The following SEZ6L variants were observed in gnomAD, a reference collection of about 807,000 sequenced individuals.
SEZ6L encodes seizure related 6 homolog like.
Under a neutral mutation model 106.2 loss-of-function variants are expected in SEZ6L, and 37 were observed. The ratio of observed to expected loss-of-function variants is 0.35; its 90% CI spans 0.27 to 0.46. The LOEUF (loss-of-function observed/expected upper bound fraction) is 0.46, where lower values mean the gene tolerates loss of function less well. SEZ6L is among the 20% of genes least tolerant of loss of function. The probability of loss-of-function intolerance (pLI) is 1.00; values close to 1 mark genes in which losing one functional copy is unlikely to be tolerated. For missense variants in SEZ6L, 1,172 were observed against 1,332.8 expected, an observed-to-expected ratio of 0.88 and a Z score of 1.88; for synonymous variants, 541 against 570.4, an observed-to-expected ratio of 0.95 and a Z score of 0.73.
intron 6 of SEZ6L, among the ~76,000 whole-genome samples, chr22:26,309,603 G>A (rs1236347275): frequency 6.6e-6 from 1 of 151,710 alleles, no homozygotes; most frequent in Non-Finnish European, 1.5e-5. Context: ...TTTTAAGACC[G>A]AGTCTTGCTC....
At chr22:26,235,118 C>T (rs1206682775) in intron 1 of SEZ6L, among the ~76,000 whole-genome samples, 1 of 152,204 alleles carries the variant, frequency 6.6e-6, no homozygotes, top group African/African-American at 2.4e-5. Flanking sequence ...AGGACCTAGT[C>T]ATAGAGCTAA....
Position 26,169,522 on chromosome 22 carries a change from C to G in SEZ6L, c.-148C>G, listed in dbSNP as rs1938417201. The G allele has an allele frequency of 5.4e-6, 2 of 370,218 alleles. No homozygotes were observed. Among genetic ancestry groups the G allele is most frequent in the Non-Finnish European group, 9.6e-6 (2 of 208,398 alleles). The allele number at this position is 370,218 out of a possible 1,614,324, so 22.9% of individuals were successfully genotyped here. On this transcript the variant is annotated 5_prime_UTR_variant, in exon 1 of 17. Transcript: ENST00000248933. Reference sequence around the variant, plus strand: ...GCGACCGCGGGGCTGAGCGCGCGTCCGCCCAGGGGGCTCCGGAAGCTGCCC... The same window carrying G: ...GCGACCGCGGGGCTGAGCGCGCGTCGGCCCAGGGGGCTCCGGAAGCTGCCC...
intron 1 of SEZ6L, among the ~76,000 whole-genome samples, chr22:26,217,168 A>G (rs1010741022): frequency 6.6e-6 from 1 of 152,210 alleles, no homozygotes; most frequent in African/African-American, 2.4e-5. Flanking sequence ...CTCCAGGATT[A>G]CAGTGCTAGT....
Position 26,310,760 on chromosome 22 carries a change from C to G in SEZ6L, c.1605C>G (p.Ser535Arg). 6.2e-7 allele frequency: 1 copy of G among 1,614,144 alleles called. No individual in the cohort carries two copies. Among genetic ancestry groups the G allele is most frequent in the Non-Finnish European group, 8.5e-7 (1 of 1,180,016 alleles). The change falls in exon 7 of 17, where the codon AGC becomes AGG. Residue 535 changes from serine (S) to arginine (R), a missense_variant. Around this residue, in one of 4 missense-constraint regions of SEZ6L, gnomAD observed 534 missense variants for 691.0 expected, o/e 0.77. Transcript: ENST00000248933. ...GTGTCCCTTTTGAGGGCCTGCTGAG[C>G]GAAGGCAACACCATCCGCATCGAGT... ...TESVPFEGLL[S>R]EGNTIRIEFT... is the part of the protein sequence containing the mutation.
At chr22:26,211,871 CTG>C (rs1364971629) in intron 1 of SEZ6L, among the ~76,000 whole-genome samples, 1 of 142,100 alleles carries the variant, frequency 7.0e-6, no homozygotes, top group African/African-American at 2.6e-5. Context: ...ATTAAAGAGA[CTG>C]TTTGTGACAA....
chr22:26,256,353 T>G (rs750149685), intron 1 of SEZ6L, among the ~76,000 whole-genome samples: 2 of 152,172 alleles, frequency 1.3e-5, no homozygotes, highest in Non-Finnish European at 2.9e-5. Flanking sequence ...AACATATGAA[T>G]GAAAAGCAGG....
chr22:26,173,297 A>T (rs1040293474), intron 1 of SEZ6L, among the ~76,000 whole-genome samples: 1 of 152,236 alleles, frequency 6.6e-6, no homozygotes, highest in Admixed American at 6.5e-5. Context: ...GATTGGCATG[A>T]AGCAGATGTT....
chr22:26,302,491 G>C (rs1397198602), intron 5 of SEZ6L, among the ~76,000 whole-genome samples: 1 of 152,220 alleles, frequency 6.6e-6, no homozygotes, highest in Non-Finnish European at 1.5e-5. Context: ...TATGAGCCAT[G>C]TGTGAAGAGA....
chr22:26,287,430 G>A (rs17303821), intron 1 of SEZ6L, among the ~76,000 whole-genome samples: 1 of 152,068 alleles, frequency 6.6e-6, no homozygotes, highest in Non-Finnish European at 1.5e-5. Context: ...GTAGAGCACC[G>A]ACTGTACGTG....
rs140580458 is a variant in SEZ6L, at chr22:26,318,005, C to T, written c.2015+4103C>T. On this transcript the variant is annotated intron_variant, in intron 9 of 16. Coordinates refer to ENST00000248933, the MANE Select transcript of SEZ6L (RefSeq NM_021115.5). ...AGATTATATGGAGGGGAGGGGTCTG[C>T]GATGAATTAGGAAGTACATACCCTA... 4.4e-3 allele frequency among the ~76,000 whole-genome samples: 674 copies of T among 152,060 alleles called. 3 individuals carry two copies. The highest frequency in any genetic ancestry group is 0.014 in the Middle Eastern group (4 of 294).
intron 9 of SEZ6L, among the ~76,000 whole-genome samples, chr22:26,318,056 C>CATTTT (rs71192913): frequency 0.41 from 60,313 of 146,440 alleles, 12,861 homozygotes; most frequent in South Asian, 0.52. Context: ...ATTCAATTTC[C>CATTTT]ATTTTATTTT....
intron 9 of SEZ6L, among the ~76,000 whole-genome samples, chr22:26,315,240 G>A (rs1010430264): frequency 6.6e-6 from 1 of 152,214 alleles, no homozygotes; most frequent in Non-Finnish European, 1.5e-5. Context: ...AACACTTCGG[G>A]AGGTTGAGGC....
chr22:26,348,780 G>A (rs111220763), intron 11 of SEZ6L, among the ~76,000 whole-genome samples: 13 of 402 alleles, frequency 0.032, no homozygotes, highest in Non-Finnish European at 0.06. Flanking sequence ...GGAGGGAAGG[G>A]GAGGGAAGGG....
intron 1 of SEZ6L, among the ~76,000 whole-genome samples, chr22:26,184,974 C>T (rs1467564759): frequency 6.6e-6 from 1 of 152,190 alleles, no homozygotes; most frequent in Non-Finnish European, 1.5e-5. Flanking sequence ...GTCCCAGCTA[C>T]TTGGGAGGCT....
chr22:26,330,119 T>A (rs1323383706), intron 9 of SEZ6L, among the ~76,000 whole-genome samples: 1 of 152,230 alleles, frequency 6.6e-6, no homozygotes, highest in Non-Finnish European at 1.5e-5. Flanking sequence ...ATTTCACCTG[T>A]GCCAAGCCCT....
chr22:26,349,835 T>C (rs2083212896), intron 11 of SEZ6L, among the ~76,000 whole-genome samples: 2 of 152,200 alleles, frequency 1.3e-5, no homozygotes, highest in South Asian at 4.1e-4. Flanking sequence ...AGCTCAGAAA[T>C]GTGGATATCT....
At chr22:26,365,963 A>C (rs1326753471) in intron 13 of SEZ6L, among the ~76,000 whole-genome samples, 3 of 152,182 alleles carry the variant, frequency 2.0e-5, no homozygotes, top group African/African-American at 7.2e-5. Flanking sequence ...ACCACTAAAA[A>C]AGAAAAAAAC....
chr22:26,304,424 GAA>G (rs1569454511), intron 5 of SEZ6L, among the ~76,000 whole-genome samples: 1 of 143,770 alleles, frequency 7.0e-6, no homozygotes, highest in Non-Finnish European at 1.5e-5. Context: ...AAGAAAGAAA[GAA>G]AGAAAAAGAA....
chr22:26,334,082 C>T (rs2145974674), intron 9 of SEZ6L, among the ~76,000 whole-genome samples: 1 of 152,206 alleles, frequency 6.6e-6, no homozygotes, highest in Admixed American at 6.5e-5. Flanking sequence ...AAAGTTGGCA[C>T]TCTATCCTAA....
Sources: gnomAD v4.1 joint callset for allele counts (sites outside exome capture counted in the v4.1 genomes callset) on GRCh38, gnomAD v4.1.1 for gene constraint, gnomAD v4.1.1 regional missense constraint, MANE v1.5 for transcripts, NCBI Gene and HGNC (gene_info 2026-07-23, HGNC 2026-07-21) for gene names.